Variants in CSMD1 observed in about 807,000 individuals in gnomAD.
CSMD1 encodes the protein CUB and sushi domain-containing protein 1.
Under a neutral mutation model 417.5 loss-of-function variants are expected in CSMD1, and 213 were observed. The observed-to-expected ratio is 0.51, with a 90% confidence interval of 0.46 to 0.57. The LOEUF (loss-of-function observed/expected upper bound fraction) is 0.57. CSMD1 is among the 20% of genes least tolerant of loss of function. CSMD1 has a pLI of 0.00. For synonymous variants in CSMD1, 2,862 were observed against 1,736.8 expected (o/e 1.65, Z -16.11); for missense variants, 6,923 against 4,529.7 (o/e 1.53, Z -15.17).
intron 7 of CSMD1, among the ~76,000 whole-genome samples, chr8:3,646,435 C>A (rs1400630920): frequency 1.3e-5 from 2 of 152,020 alleles, no homozygotes; most frequent in Admixed American, 6.6e-5. Flanking sequence ...AAATTAAGAA[C>A]CTTGTTTGTA....
At chr8:4,502,627 A>C (rs372130968) in intron 2 of CSMD1, among the ~76,000 whole-genome samples, 16 of 152,144 alleles carry the variant, frequency 1.1e-4, no homozygotes, top group African/African-American at 3.9e-4. Flanking sequence ...ATATCCTGAA[A>C]TCTCGCATTT....
chr8:4,838,976 T>C (rs1028358755), intron 1 of CSMD1, among the ~76,000 whole-genome samples: 1 of 152,232 alleles, frequency 6.6e-6, no homozygotes, highest in Non-Finnish European at 1.5e-5. Flanking sequence ...TTTTAAACAA[T>C]TACTTCTACC....
chr8:4,506,452 C>T (rs1043335812), intron 2 of CSMD1, among the ~76,000 whole-genome samples: 2 of 152,110 alleles, frequency 1.3e-5, no homozygotes, highest in East Asian at 1.9e-4. Context: ...TTCCCACTCC[C>T]CTCCCCTATG....
intron 1 of CSMD1, among the ~76,000 whole-genome samples, chr8:4,734,145 T>C (rs530506121): frequency 6.6e-6 from 1 of 152,260 alleles, no homozygotes; most frequent in African/African-American, 2.4e-5. Flanking sequence ...ATTTACAAGC[T>C]CTATTGAAAT....
chr8:3,125,646 T>G (rs1307558034), intron 41 of CSMD1, among the ~76,000 whole-genome samples: 1 of 152,200 alleles, frequency 6.6e-6, no homozygotes, highest in South Asian at 2.1e-4. Context: ...TTCTCTCTAT[T>G]AGTTCTATAA....
intron 3 of CSMD1, among the ~76,000 whole-genome samples, chr8:4,063,558 G>C (rs866452332): frequency 9.9e-5 from 15 of 152,192 alleles, no homozygotes; most frequent in African/African-American, 3.6e-4. Flanking sequence ...TTAAGAACCA[G>C]CCATTAATTT....
chr8:3,393,422 A>T (rs1811465944), intron 17 of CSMD1, among the ~76,000 whole-genome samples: 1 of 152,214 alleles, frequency 6.6e-6, no homozygotes, highest in Admixed American at 6.5e-5. Context: ...ATCACTGTAT[A>T]AACAGGCATC....
At position 3,447,670 on chromosome 8, in the gene CSMD1, G is replaced by T. The variant is rs192364162; in HGVS notation, c.1561+21042C>A. Reference sequence around the variant, plus strand: ...ATTCTTTGCTGCTTTATTTCTCCTGGTTGGAAGGGCTCTGCTCCCACTTCC... The same window carrying T: ...ATTCTTTGCTGCTTTATTTCTCCTGTTTGGAAGGGCTCTGCTCCCACTTCC... On this transcript the variant is annotated intron_variant, in intron 12 of 69. Coordinates refer to ENST00000635120, the MANE Select transcript of CSMD1 (RefSeq NM_033225.6). 3.7e-4 allele frequency among the ~76,000 whole-genome samples: 57 copies of T among 152,292 alleles called. 1 individual carries two copies. Among genetic ancestry groups the T allele is most frequent in the Middle Eastern group, 3.4e-3 (1 of 294 alleles).
intron 3 of CSMD1, among the ~76,000 whole-genome samples, chr8:4,309,711 A>T (rs1302496978): frequency 6.6e-6 from 1 of 152,154 alleles, no homozygotes; most frequent in African/African-American, 2.4e-5. Flanking sequence ...AGGGATTGTA[A>T]CATACACAAC....
intron 5 of CSMD1, among the ~76,000 whole-genome samples, chr8:3,885,201 G>C (rs976678125): frequency 1.3e-5 from 2 of 151,978 alleles, no homozygotes; most frequent in African/African-American, 4.8e-5. Context: ...GATCAGAAAA[G>C]TGGAAGATCC....
chr8:4,697,896 G>C (rs529515859), intron 1 of CSMD1, among the ~76,000 whole-genome samples: 6 of 152,126 alleles, frequency 3.9e-5, no homozygotes, highest in African/African-American at 1.2e-4. Context: ...ACCATTTTTA[G>C]TTTAAGAATA....
intron 3 of CSMD1, among the ~76,000 whole-genome samples, chr8:4,087,232 C>A (rs1020488755): frequency 6.6e-6 from 1 of 152,172 alleles, no homozygotes; most frequent in African/African-American, 2.4e-5. Flanking sequence ...CAAGGAACGG[C>A]TAAGTCCACC....
intron 18 of CSMD1, among the ~76,000 whole-genome samples, chr8:3,374,793 C>G (rs1190035221): frequency 2.0e-5 from 3 of 152,186 alleles, no homozygotes; most frequent in Admixed American, 1.3e-4. Flanking sequence ...ACACAGCCCT[C>G]TGGGGATTCT....
At chr8:4,942,534 A>G (rs1808077829) in intron 1 of CSMD1, among the ~76,000 whole-genome samples, 1 of 152,358 alleles carries the variant, frequency 6.6e-6, no homozygotes, top group Non-Finnish European at 1.5e-5. Context: ...CCTCTATTAA[A>G]TAATGTACAG....
chr8:4,434,819 A>G (rs13278038), intron 2 of CSMD1, among the ~76,000 whole-genome samples: 9,593 of 152,220 alleles, frequency 0.063, 433 homozygotes, highest in Non-Finnish European at 0.095. Flanking sequence ...CTACTTCACC[A>G]GGGCTCAACC....
intron 1 of CSMD1, among the ~76,000 whole-genome samples, chr8:4,938,905 C>A (rs1563816969): frequency 6.6e-6 from 1 of 152,120 alleles, no homozygotes; most frequent in Non-Finnish European, 1.5e-5. Context: ...GACGTTGAAC[C>A]TCTTTTCATA....
intron 3 of CSMD1, among the ~76,000 whole-genome samples, chr8:4,391,663 A>G (rs12542641): frequency 0.21 from 31,586 of 151,924 alleles, 3,696 homozygotes; most frequent in East Asian, 0.31. Flanking sequence ...AGAAGTGGGA[A>G]GACGGCTTAC....
At chr8:4,790,247 T>G (rs1797621704) in intron 1 of CSMD1, among the ~76,000 whole-genome samples, 1 of 151,872 alleles carries the variant, frequency 6.6e-6, no homozygotes, top group African/African-American at 2.4e-5. Context: ...ATAAAAAGAA[T>G]AAAATAACTA....
intron 1 of CSMD1, among the ~76,000 whole-genome samples, chr8:4,712,225 AT>A (rs545014551): frequency 6.6e-6 from 1 of 152,314 alleles, no homozygotes; most frequent in Non-Finnish European, 1.5e-5. Flanking sequence ...TCTACTCATG[AT>A]CCTCAGTGCA....
Sources: gnomAD v4.1 joint callset for allele counts (sites outside exome capture counted in the v4.1 genomes callset) on GRCh38, gnomAD v4.1.1 for gene constraint, MANE v1.5 for transcripts, NCBI Gene and HGNC (gene_info 2026-07-23, HGNC 2026-07-21) for gene names.